The following INPP4B variants were observed in gnomAD, a reference collection of about 807,000 sequenced individuals.
INPP4B encodes inositol polyphosphate-4-phosphatase type II B, also known as inositol polyphosphate 4-phosphatase type II.
INPP4B carries 55 observed loss-of-function variants against 122.5 expected under a neutral mutation model. The observed-to-expected ratio is 0.45, with a 90% CI of 0.36 to 0.56. INPP4B has a LOEUF of 0.56. INPP4B is among the 20% of genes least tolerant of loss of function. The pLI is 0.00. For missense variants in INPP4B, 1,000 were observed against 1,097.7 expected (o/e 0.91, Z 1.26); for synonymous variants, 403 against 388.7 (o/e 1.04, Z -0.43).
chr4:142,378,258 G>A (rs1407770466), intron 7 of INPP4B, among the ~76,000 whole-genome samples: 1 of 152,080 alleles, frequency 6.6e-6, no homozygotes, highest in African/African-American at 2.4e-5. Flanking sequence ...CTTTCAGTGT[G>A]CCATCATGAT....
At chr4:142,321,741 G>T (rs567053460) in intron 7 of INPP4B, among the ~76,000 whole-genome samples, 1 of 152,000 alleles carries the variant, frequency 6.6e-6, no homozygotes, top group Admixed American at 6.5e-5. Context: ...AAGATCAGTT[G>T]GCTGTAAGTA....
intron 2 of INPP4B, among the ~76,000 whole-genome samples, chr4:142,476,682 TAACA>T (rs767830838): frequency 1.3e-5 from 2 of 151,914 alleles, no homozygotes; most frequent in Non-Finnish European, 2.9e-5. Flanking sequence ...AACCAGACAT[TAACA>T]AACAGTGATC....
intron 25 of INPP4B, among the ~76,000 whole-genome samples, chr4:142,051,797 G>A (rs1346698696): frequency 2.6e-5 from 4 of 151,882 alleles, no homozygotes; most frequent in Admixed American, 6.6e-5. Flanking sequence ...TAATTCTTAC[G>A]AAAGTGTATT....
In INPP4B at chr4:142,273,352, G is replaced by T. The variant is rs141855222; in HGVS notation, c.504-2578C>A. On this transcript the variant is annotated intron_variant, in intron 9 of 25. Transcript: ENST00000262992. ...GCTCTCAAGAAATTTTACTGAAATCGATATCTGAGACTATAGTGAAAGGCT... is the reference window on the plus strand; with the variant it reads ...GCTCTCAAGAAATTTTACTGAAATCTATATCTGAGACTATAGTGAAAGGCT... Among the ~76,000 whole-genome samples, 30 of 151,796 alleles carry T rather than the reference G, an allele frequency of 2.0e-4. 1 individual carries two copies. In the East Asian group the frequency reaches 5.6e-3, roughly 28 times the overall value.
intron 1 of INPP4B, among the ~76,000 whole-genome samples, chr4:142,782,659 T>G (rs1219709481): frequency 6.6e-6 from 1 of 152,048 alleles, no homozygotes; most frequent in African/African-American, 2.4e-5. Context: ...TTCCTGACTT[T>G]TTAATGATTG....
chr4:142,581,803 T>C (rs139848400), intron 2 of INPP4B, among the ~76,000 whole-genome samples: 5 of 151,914 alleles, frequency 3.3e-5, no homozygotes, highest in African/African-American at 1.2e-4. Flanking sequence ...CCCAGAGACC[T>C]GTAATGATAA....
chr4:142,668,572 G>A (rs1361767552), intron 2 of INPP4B, among the ~76,000 whole-genome samples: 1 of 152,126 alleles, frequency 6.6e-6, no homozygotes, highest in East Asian at 1.9e-4. Context: ...CTGTTTGCAG[G>A]TGACTTGTTC....
chr4:142,688,948 C>T lies in INPP4B; in HGVS notation c.-191+36891G>A, dbSNP rs147472376. ...TCATCTGGTCTCACCCAGGAACTGA[C>T]TCGGCACAAGAAGACAGCTTTCGAC... On this transcript the variant is annotated intron_variant, in intron 2 of 25. Transcript: ENST00000262992. 4.8e-3 allele frequency among the ~76,000 whole-genome samples: 734 copies of T among 152,298 alleles called. 4 individuals carry two copies. The highest frequency in any genetic ancestry group is 0.017 in the African/African-American group (687 of 41,580).
chr4:142,515,536 TA>T (rs1182674468), intron 2 of INPP4B, among the ~76,000 whole-genome samples: 3 of 152,100 alleles, frequency 2.0e-5, no homozygotes, highest in Non-Finnish European at 4.4e-5. Context: ...AGGGGGTGAC[TA>T]AGTCCTGCAC....
chr4:142,578,403 T>C (rs1308833717), intron 2 of INPP4B, among the ~76,000 whole-genome samples: 1 of 152,002 alleles, frequency 6.6e-6, no homozygotes, highest in Non-Finnish European at 1.5e-5. Flanking sequence ...ATATCAAATA[T>C]GGGATGACTT....
At chr4:142,462,407 T>C (rs1816915176) in intron 3 of INPP4B, among the ~76,000 whole-genome samples, 1 of 152,192 alleles carries the variant, frequency 6.6e-6, no homozygotes, top group Non-Finnish European at 1.5e-5. Flanking sequence ...TAAGTAATAA[T>C]ATTAATTTCT....
In INPP4B at chr4:142,111,210, G is replaced by A. The variant is rs563152902; in HGVS notation, c.2276+1332C>T. Among the ~76,000 whole-genome samples the A allele has an allele frequency of 1.4e-3, 215 of 152,170 alleles. 1 individual carries two copies. The highest frequency in any genetic ancestry group is 1.0e-3 in the Non-Finnish European group (68 of 68,006). On this transcript the variant is annotated intron_variant, in intron 22 of 25. Transcript: ENST00000262992. The stretch of plus-strand genomic sequence containing the variant: ...TGGAGAGTGAATTATAGATAAGAAA[G>A]CATGTTAAATATTATAATACCAAAG...
chr4:142,283,681 A>T (rs920359732), intron 9 of INPP4B, among the ~76,000 whole-genome samples: 9 of 152,178 alleles, frequency 5.9e-5, no homozygotes, highest in Admixed American at 2.6e-4. Flanking sequence ...CAGAGCAAAA[A>T]TATGGTGTTA....
intron 25 of INPP4B, among the ~76,000 whole-genome samples, chr4:142,074,445 A>T (rs1330529379): frequency 1.3e-5 from 2 of 152,172 alleles, no homozygotes; most frequent in Non-Finnish European, 2.9e-5. Context: ...ACACATGTGC[A>T]TGCCTTGTGG....
chr4:142,264,020 C>A (rs375805019), intron 10 of INPP4B, among the ~76,000 whole-genome samples: 1 of 151,824 alleles, frequency 6.6e-6, no homozygotes, highest in Non-Finnish European at 1.5e-5. Context: ...AGGGTTGGGA[C>A]GGGGAGACTC....
chr4:142,114,703 T>C (rs958064891), intron 21 of INPP4B, among the ~76,000 whole-genome samples: 2 of 152,104 alleles, frequency 1.3e-5, no homozygotes, highest in Non-Finnish European at 2.9e-5. Context: ...TATTATCTTC[T>C]AATCTGTGGC....
intron 1 of INPP4B, among the ~76,000 whole-genome samples, chr4:142,799,708 T>C (rs1777762050): frequency 1.3e-5 from 2 of 151,952 alleles, no homozygotes; most frequent in African/African-American, 2.4e-5. Context: ...GTATATACTA[T>C]ACATAGTGTG....
intron 10 of INPP4B, among the ~76,000 whole-genome samples, chr4:142,268,679 G>A (rs890935346): frequency 1.3e-5 from 2 of 152,094 alleles, no homozygotes; most frequent in Non-Finnish European, 2.9e-5. Flanking sequence ...GCTTTGAAAA[G>A]GGGGAAAGTT....
chr4:142,464,527 T>C (rs935475888), intron 2 of INPP4B, among the ~76,000 whole-genome samples: 5 of 151,998 alleles, frequency 3.3e-5, no homozygotes, highest in Admixed American at 3.3e-4. Context: ...CTCATTTAAT[T>C]TGGGGAAAAA....
Sources: gnomAD v4.1 joint callset for allele counts (sites outside exome capture counted in the v4.1 genomes callset) on GRCh38, gnomAD v4.1.1 for gene constraint, MANE v1.5 for transcripts, NCBI Gene and HGNC (gene_info 2026-07-23, HGNC 2026-07-21) for gene names.